The following SCCPDH variants were observed in gnomAD, a reference collection of about 807,000 sequenced individuals.
SCCPDH encodes saccharopine dehydrogenase-like oxidoreductase.
In SCCPDH, 34 loss-of-function variants were observed where a neutral mutation model predicts 51.5. That is an observed-to-expected ratio of 0.66 (90% CI 0.50 to 0.88). SCCPDH has a LOEUF of 0.88. SCCPDH is among the 40% of genes least tolerant of loss of function. The pLI is 0.00. For missense variants in SCCPDH, 464 were observed against 527.1 expected (o/e 0.88, Z 1.17); for synonymous variants, 187 against 191.3 (o/e 0.98, Z 0.19).
chr1:246,730,158 A>G (rs1668470930), intron 2 of SCCPDH, among the ~76,000 whole-genome samples: 1 of 151,186 alleles, frequency 6.6e-6, no homozygotes, highest in African/African-American at 2.4e-5. Flanking sequence ...TTCACCTCCT[A>G]CTCTATCTTA....
chr1:246,736,726 A>T (rs1375603022), intron 3 of SCCPDH, among the ~76,000 whole-genome samples: 4 of 152,230 alleles, frequency 2.6e-5, no homozygotes, highest in Non-Finnish European at 5.9e-5. Context: ...AAGAAAATTC[A>T]GTTACCTTTA....
At chr1:246,733,308 A>G (rs1311291025) in intron 2 of SCCPDH, among the ~76,000 whole-genome samples, 2 of 152,058 alleles carry the variant, frequency 1.3e-5, no homozygotes, top group African/African-American at 4.8e-5. Context: ...GCTGGTCTCT[A>G]GCTCTTGAGC....
intron 9 of SCCPDH, among the ~76,000 whole-genome samples, chr1:246,762,826 G>A (rs923565201): frequency 7.2e-6 from 1 of 137,996 alleles, no homozygotes; most frequent in Non-Finnish European, 1.5e-5. Context: ...GGGCAACACA[G>A]CGAGATTCCT....
chr1:246,751,937 TA>T (rs1334138558), intron 5 of SCCPDH, among the ~76,000 whole-genome samples: 3 of 86,554 alleles, frequency 3.5e-5, no homozygotes, highest in Non-Finnish European at 2.2e-5. Context: ...CACGCCCGGC[TA>T]ATTTTTTTTT....
At chr1:246,727,914 A>G (rs1460331634) in intron 2 of SCCPDH, among the ~76,000 whole-genome samples, 2 of 152,106 alleles carry the variant, frequency 1.3e-5, no homozygotes, top group African/African-American at 4.8e-5. Flanking sequence ...TGTGACCAAG[A>G]GGCGTTGAAT....
chr1:246,754,909 A>AT (rs898132912), intron 5 of SCCPDH, among the ~76,000 whole-genome samples: 7 of 151,670 alleles, frequency 4.6e-5, no homozygotes, highest in East Asian at 1.9e-4. Context: ...AGTTTTGTTG[A>AT]TTTTTTCTAT....
chr1:246,749,455 A>T (rs1001770658), intron 5 of SCCPDH, among the ~76,000 whole-genome samples: 2 of 152,162 alleles, frequency 1.3e-5, no homozygotes, highest in African/African-American at 4.8e-5. Flanking sequence ...GGAGGCAATG[A>T]AGTACATTTC....
At chr1:246,761,512 A>C (rs1314022950) in intron 9 of SCCPDH, among the ~76,000 whole-genome samples, 1 of 152,174 alleles carries the variant, frequency 6.6e-6, no homozygotes, top group Non-Finnish European at 1.5e-5. Flanking sequence ...AACACTTTTC[A>C]TCTTGCACAA....
chr1:246,727,672 A>G (rs976534725), intron 2 of SCCPDH, among the ~76,000 whole-genome samples: 3 of 152,216 alleles, frequency 2.0e-5, no homozygotes, highest in Non-Finnish European at 4.4e-5. Context: ...TTGAGCCAAG[A>G]TCTGAATGAA....
chr1:246,729,641 T>G (rs1668461319), intron 2 of SCCPDH, among the ~76,000 whole-genome samples: 1 of 150,982 alleles, frequency 6.6e-6, no homozygotes, highest in African/African-American at 2.5e-5. Flanking sequence ...TTTTACAGTT[T>G]GTACGGATAA....
intron 2 of SCCPDH, among the ~76,000 whole-genome samples, chr1:246,729,181 T>C (rs1668449525): frequency 1.3e-5 from 2 of 152,136 alleles, no homozygotes; most frequent in South Asian, 2.1e-4. Flanking sequence ...AGGGCAAAAT[T>C]AGAATTACTG....
chr1:246,731,058 C>G (rs138562985), intron 2 of SCCPDH, among the ~76,000 whole-genome samples: 2 of 152,036 alleles, frequency 1.3e-5, no homozygotes, highest in Non-Finnish European at 2.9e-5. Flanking sequence ...GAAACTCCAG[C>G]TCAAAAAGAA....
chr1:246,757,890 A>G (rs539081938), intron 5 of SCCPDH, among the ~76,000 whole-genome samples: 1 of 152,146 alleles, frequency 6.6e-6, no homozygotes, highest in South Asian at 2.1e-4. Context: ...CATATGGGGC[A>G]GAAAAAAAAG....
At chr1:246,744,767 G>A (rs961943950) in intron 5 of SCCPDH, among the ~76,000 whole-genome samples, 7 of 151,342 alleles carry the variant, frequency 4.6e-5, no homozygotes, top group Admixed American at 2.0e-4. Flanking sequence ...GGCATGTGCC[G>A]CCACACCTGG....
chr1:246,742,248 C>T (rs987649896), intron 4 of SCCPDH, among the ~76,000 whole-genome samples: 1 of 152,222 alleles, frequency 6.6e-6, no homozygotes, highest in African/African-American at 2.4e-5. Flanking sequence ...TAAAATAATG[C>T]TTTAACGTCT....
intron 5 of SCCPDH, among the ~76,000 whole-genome samples, chr1:246,745,507 A>G (rs1668744706): frequency 1.3e-5 from 2 of 152,238 alleles, no homozygotes; most frequent in Non-Finnish European, 2.9e-5. Context: ...GATTCTAAGA[A>G]TGGCGAATAC....
intron 5 of SCCPDH, among the ~76,000 whole-genome samples, chr1:246,749,980 A>T (rs1668827049): frequency 6.6e-6 from 1 of 152,150 alleles, no homozygotes; most frequent in Non-Finnish European, 1.5e-5. Context: ...AAAGAAAGAG[A>T]TGCAGTATAG....
chr1:246,747,387 G>A (rs984516293), intron 5 of SCCPDH, among the ~76,000 whole-genome samples: 2 of 152,156 alleles, frequency 1.3e-5, no homozygotes, highest in African/African-American at 2.4e-5. Context: ...ACAGGTTTCA[G>A]TTAATTAAGA....
At chr1:246,751,991 C>T (rs990215324) in intron 5 of SCCPDH, among the ~76,000 whole-genome samples, 1 of 151,278 alleles carries the variant, frequency 6.6e-6, no homozygotes, top group African/African-American at 2.4e-5. Context: ...CCGTGTTAGC[C>T]AGGATGGTCT....
Sources: allele counts gnomAD v4.1 joint callset (sites outside exome capture counted in the v4.1 genomes callset), GRCh38; gene constraint gnomAD v4.1.1; transcripts MANE v1.5; gene names NCBI Gene and HGNC (gene_info 2026-07-23, HGNC 2026-07-21).